The following DAB1 variants were observed in gnomAD, a reference collection of about 807,000 sequenced individuals.
The protein encoded by DAB1 is DAB adaptor protein 1.
DAB1 carries 15 observed loss-of-function variants against 64.6 expected under a neutral mutation model. That is an observed-to-expected ratio of 0.23 (90% CI 0.16 to 0.36). The LOEUF is 0.36. Among genes scored for constraint, DAB1 ranks in the 10% least tolerant of loss-of-function variants. The pLI is 1.00. For synonymous variants in DAB1, 235 were observed against 251.9 expected, an observed-to-expected ratio of 0.93 and a Z score of 0.64; for missense variants, 596 against 706.7, an observed-to-expected ratio of 0.84 and a Z score of 1.78.
At chr1:57,032,600 C>T (rs773121642) in intron 9 of DAB1, among the ~76,000 whole-genome samples, 20 of 152,168 alleles carry the variant, frequency 1.3e-4, no homozygotes, top group African/African-American at 4.6e-4. Flanking sequence ...GGTTCTCAAC[C>T]TTGGTTGCAC....
chr1:58,063,534 G>C (rs547670673), intron 5 of DAB1, among the ~76,000 whole-genome samples: 3 of 152,252 alleles, frequency 2.0e-5, no homozygotes, highest in African/African-American at 7.2e-5. Context: ...AGTAGAAAGA[G>C]TGTCTATTTA....
chr1:57,095,635 C>T (rs1225394169), intron 4 of DAB1, among the ~76,000 whole-genome samples: 2 of 152,162 alleles, frequency 1.3e-5, no homozygotes, highest in African/African-American at 2.4e-5. Context: ...TATTTTATTA[C>T]AGTCAAGAGG....
chr1:57,159,842 T>C (rs1425424708), intron 2 of DAB1, among the ~76,000 whole-genome samples: 2 of 84,698 alleles, frequency 2.4e-5, no homozygotes, highest in Non-Finnish European at 4.3e-5. Flanking sequence ...ACGTACAAGG[T>C]AGAAGCAGCA....
intron 4 of DAB1, among the ~76,000 whole-genome samples, chr1:57,100,170 T>A (rs907852509): frequency 2.0e-5 from 3 of 152,162 alleles, no homozygotes; most frequent in Non-Finnish European, 4.4e-5. Flanking sequence ...GGTTTCCCCA[T>A]CTGTAAAATG....
chr1:57,618,222 C>T (rs1645812348), intron 7 of DAB1, among the ~76,000 whole-genome samples: 1 of 152,110 alleles, frequency 6.6e-6, no homozygotes, highest in Non-Finnish European at 1.5e-5. Context: ...CAAGACCGGC[C>T]TAGCCAACAT....
intron 4 of DAB1, among the ~76,000 whole-genome samples, chr1:58,289,132 G>C (rs190044408): frequency 1.3e-4 from 20 of 152,202 alleles, no homozygotes; most frequent in Admixed American, 1.2e-3. Flanking sequence ...TGTAGCTTTT[G>C]CCATCCACTT....
chr1:57,611,019 C>T (rs1003485676), intron 7 of DAB1, among the ~76,000 whole-genome samples: 8 of 151,874 alleles, frequency 5.3e-5, no homozygotes, highest in African/African-American at 1.9e-4. Context: ...AAGGCAGATG[C>T]TTATCTAGCA....
At position 57,868,259 on chromosome 1, in the gene DAB1, G is replaced by A. The variant is rs376933867; in HGVS notation, n.87+15740C>T. On this transcript the variant is annotated intron_variant and non_coding_transcript_variant, in intron 1 of 1. Transcript: ENST00000477280. The stretch of plus-strand genomic sequence containing the variant: ...TGCCATTTATTCTCATAAGCTCTGC[G>A]TGGTTTTGAACCAGGGGTGGTAGGA... Among the ~76,000 whole-genome samples, 4 of 152,298 alleles carry A rather than the reference G, an allele frequency of 2.6e-5. No homozygotes were observed. In the East Asian group the frequency reaches 7.7e-4, roughly 29 times the overall value.
At chr1:57,954,296 T>G (rs1212691897) in intron 5 of DAB1, among the ~76,000 whole-genome samples, 1 of 152,124 alleles carries the variant, frequency 6.6e-6, no homozygotes, top group Non-Finnish European at 1.5e-5. Flanking sequence ...CAATCATAGG[T>G]GCCATGGTCT....
At chr1:58,468,331 C>T (rs1645317667) in intron 3 of DAB1, 1 of 152,218 alleles carries the variant, frequency 6.6e-6, no homozygotes, top group South Asian at 2.1e-4. Flanking sequence ...CTGTATGTAT[C>T]ACTCTGCAAC....
At chr1:58,043,281 T>A (rs1001696343) in intron 5 of DAB1, among the ~76,000 whole-genome samples, 10 of 152,198 alleles carry the variant, frequency 6.6e-5, no homozygotes, top group African/African-American at 2.4e-4. Flanking sequence ...TCACAGTGCC[T>A]ACATAAATGG....
chr1:58,330,895 T>C (rs1388070657), intron 4 of DAB1, among the ~76,000 whole-genome samples: 1 of 152,216 alleles, frequency 6.6e-6, no homozygotes, highest in East Asian at 1.9e-4. Flanking sequence ...GAGATGAATG[T>C]TGTTTTTATG....
intron 1 of DAB1, among the ~76,000 whole-genome samples, chr1:58,531,625 C>A (rs1212127617): frequency 1.3e-5 from 2 of 152,030 alleles, no homozygotes; most frequent in African/African-American, 4.8e-5. Context: ...AATATTGTAC[C>A]CTCACAAAAC....
chr1:57,213,298 T>C (rs749153265), intron 2 of DAB1, among the ~76,000 whole-genome samples: 88 of 152,230 alleles, frequency 5.8e-4, no homozygotes, highest in Non-Finnish European at 1.2e-3. Context: ...TGACAATCTT[T>C]TTCTTTTTTC....
At chr1:57,530,293 C>CT (rs1644646403) in intron 7 of DAB1, among the ~76,000 whole-genome samples, 1 of 152,162 alleles carries the variant, frequency 6.6e-6, no homozygotes, top group South Asian at 2.1e-4. Context: ...GCTTGGGAGC[C>CT]TATGTTCCTT....
At chr1:57,625,834 C>T (rs905039559) in intron 7 of DAB1, among the ~76,000 whole-genome samples, 3 of 152,008 alleles carry the variant, frequency 2.0e-5, no homozygotes, top group African/African-American at 4.8e-5. Flanking sequence ...CAGTTGTACA[C>T]CAGTTCTGGC....
intron 6 of DAB1, among the ~76,000 whole-genome samples, chr1:57,676,711 C>G (rs1173327175): frequency 6.6e-6 from 1 of 152,172 alleles, no homozygotes; most frequent in Non-Finnish European, 1.5e-5. Flanking sequence ...ACTCACCTCC[C>G]AATTCTGGTG....
Position 57,493,686 on chromosome 1 carries a change from G to A in DAB1, n.625+155906C>T, listed in dbSNP as rs72913145. On this transcript the variant is annotated intron_variant and non_coding_transcript_variant, in intron 7 of 20. Transcript: ENST00000485760. ...GAAATGCAGGAGATATTTACTAGAA[G>A]TATTCAGTGGAAGGAAGGGTGAGAC... Among the ~76,000 whole-genome samples the A allele has an allele frequency of 3.3e-3, 495 of 151,906 alleles. 3 individuals are homozygous for A. Among genetic ancestry groups the A allele is most frequent in the African/African-American group, 0.011 (463 of 41,370 alleles).
chr1:57,681,384 G>A (rs977193626), intron 6 of DAB1, among the ~76,000 whole-genome samples: 1 of 152,090 alleles, frequency 6.6e-6, no homozygotes, highest in Admixed American at 6.5e-5. Flanking sequence ...TTCCAAATAA[G>A]GTCATTTTCT....
Sources: allele counts gnomAD v4.1 joint callset (sites outside exome capture counted in the v4.1 genomes callset), GRCh38; gene constraint gnomAD v4.1.1; transcripts MANE v1.5; gene names NCBI Gene and HGNC (gene_info 2026-07-23, HGNC 2026-07-21).